Variants in ENOX2 observed in about 807,000 individuals in gnomAD.
ENOX2 encodes the protein ecto-NOX disulfide-thiol exchanger 2.
ENOX2 carries 36 observed loss-of-function variants against 45.0 expected under a neutral mutation model. That is an observed-to-expected ratio of 0.80 (90% CI 0.61 to 1.06). ENOX2 has a LOEUF of 1.06. ENOX2 is among the 50% of genes least tolerant of loss of function. The probability of loss-of-function intolerance (pLI) is 0.00; values close to 1 mark genes in which losing one functional copy is unlikely to be tolerated. For synonymous variants in ENOX2, 174 were observed against 152.3 expected (o/e 1.14, Z -1.05); for missense variants, 423 against 462.5 (o/e 0.91, Z 0.78).
intron 3 of ENOX2, among the ~76,000 whole-genome samples, chrX:130,735,142 T>C (rs2038829451): frequency 8.9e-6 from 1 of 112,418 alleles, no homozygotes; most frequent in Non-Finnish European, 1.9e-5. Context: ...GGTTTCCAAG[T>C]ACATTTTGTG....
Position 130,633,176 on chromosome X carries a change from G to T in ENOX2, c.1420-1600C>A, listed in dbSNP as rs1034383305. On this transcript the variant is annotated intron_variant, in intron 12 of 14. Transcript: ENST00000394363. ...TCTTTCCGCACTAAGACAGACATAA[G>T]TCACACTGTTATACTGCAAAACACT... is the stretch of plus-strand genomic sequence containing the variant. 4.9e-4 allele frequency among the ~76,000 whole-genome samples: 55 copies of T among 111,890 alleles called. 1 individual carries two copies. The highest frequency in any genetic ancestry group is 1.6e-3 in the African/African-American group (50 of 30,862).
At chrX:130,838,202 T>C (rs1414466187) in intron 2 of ENOX2, among the ~76,000 whole-genome samples, 1 of 110,936 alleles carries the variant, frequency 9.0e-6, no homozygotes, top group Non-Finnish European at 1.9e-5. Context: ...GCCAACATGG[T>C]AAAACCCCGT....
At chrX:130,866,488 C>T (rs1264171752) in intron 2 of ENOX2, among the ~76,000 whole-genome samples, 3 of 111,969 alleles carry the variant, frequency 2.7e-5, no homozygotes, top group South Asian at 7.4e-4. Flanking sequence ...TTGCTATTCA[C>T]CAGTGCAAAC....
intron 2 of ENOX2, among the ~76,000 whole-genome samples, chrX:130,882,986 A>C (rs1314558055): frequency 8.9e-6 from 1 of 112,541 alleles, no homozygotes; most frequent in Non-Finnish European, 1.9e-5. Flanking sequence ...CTGAAAATGG[A>C]AATACTACTG....
intron 3 of ENOX2, among the ~76,000 whole-genome samples, chrX:130,722,986 T>C (rs1465828882): frequency 8.9e-6 from 1 of 112,078 alleles, no homozygotes; most frequent in East Asian, 2.8e-4. Flanking sequence ...GCAACTTCAA[T>C]CCCTATGAGC....
intron 10 of ENOX2, among the ~76,000 whole-genome samples, chrX:130,652,923 C>G (rs989187820): frequency 8.9e-6 from 1 of 112,241 alleles, no homozygotes; most frequent in East Asian, 2.8e-4. Flanking sequence ...CTACTGAAAT[C>G]TTGATCTCAG....
intron 5 of ENOX2, among the ~76,000 whole-genome samples, chrX:130,683,352 C>T (rs1022590757): frequency 8.2e-4 from 92 of 112,142 alleles, no homozygotes; most frequent in African/African-American, 2.9e-3. Flanking sequence ...GGACAATCAG[C>T]AGGGGTTAAA....
intron 2 of ENOX2, among the ~76,000 whole-genome samples, chrX:130,783,994 C>T (rs981789457): frequency 1.8e-5 from 2 of 111,780 alleles, no homozygotes; most frequent in African/African-American, 6.5e-5. Flanking sequence ...TATGGTTGGA[C>T]CCACTGTTCC....
At chrX:130,687,496 T>C (rs1432559514) in intron 5 of ENOX2, among the ~76,000 whole-genome samples, 1 of 112,568 alleles carries the variant, frequency 8.9e-6, no homozygotes, top group East Asian at 2.8e-4. Flanking sequence ...TGCCCACTTG[T>C]AGGGACAGTG....
intron 2 of ENOX2, among the ~76,000 whole-genome samples, chrX:130,888,754 G>C (rs143316564): frequency 5.4e-5 from 6 of 111,871 alleles, no homozygotes; most frequent in African/African-American, 1.9e-4. Context: ...AGACGGAATC[G>C]CTGTTTGCTC....
chrX:130,703,242 C>G lies in ENOX2; in HGVS notation c.-26G>C. On this transcript the variant is annotated 5_prime_UTR_variant, in exon 4 of 15. Transcript: ENST00000394363. ...TGCAGTGGAATCCACGTTCAGAGTT[C>G]TACTGTTATCGGCTGAAAAGAAATG... 1 of 1,192,868 alleles carries G rather than the reference C, an allele frequency of 8.4e-7. No homozygotes were observed. Among genetic ancestry groups the G allele is most frequent in the Non-Finnish European group, 1.1e-6 (1 of 887,079 alleles).
intron 2 of ENOX2, among the ~76,000 whole-genome samples, chrX:130,900,848 A>G (rs185034658): frequency 1.1e-3 from 125 of 112,241 alleles, no homozygotes; most frequent in African/African-American, 3.9e-3. Flanking sequence ...CCAGCTCCCC[A>G]GCTAGACCCC....
At position 130,842,750 on chromosome X, in the gene ENOX2, C is replaced by T. The variant is rs756854798; in HGVS notation, c.-183+58934G>A. ...CCCTAACTCTTGGGTTTATCTTTCTCAGTTTTTTTTCATGAACTTCTCCTT... is the reference window on the plus strand; with the variant it reads ...CCCTAACTCTTGGGTTTATCTTTCTTAGTTTTTTTTCATGAACTTCTCCTT... On this transcript the variant is annotated intron_variant, in intron 2 of 14. Transcript: ENST00000394363. Among the ~76,000 whole-genome samples the T allele has an allele frequency of 2.2e-4, 24 of 111,524 alleles. 1 individual carries two copies. The highest frequency in any genetic ancestry group is 4.5e-4 in the Non-Finnish European group (24 of 53,136).
rs188602758 is a variant in ENOX2, at chrX:130,842,602, T to C, written c.-182-58912A>G. On this transcript the variant is annotated intron_variant, in intron 2 of 14. Transcript: ENST00000394363. ...ACCCTTTCAAAGGTCACTGAGACTC[T>C]TTGTTGCTAAAGCCAATGATCACTT... 5.4e-5 allele frequency among the ~76,000 whole-genome samples: 6 copies of C among 111,906 alleles called. No individual in the cohort carries two copies. In the East Asian group the frequency reaches 1.4e-3, roughly 26 times the overall value.
At chrX:130,838,249 G>A (rs2077960061) in intron 2 of ENOX2, among the ~76,000 whole-genome samples, 1 of 111,572 alleles carries the variant, frequency 9.0e-6, no homozygotes, top group African/African-American at 3.3e-5. Flanking sequence ...GGGCATAGTG[G>A]TGCATGCCTG....
At chrX:130,679,133 G>A (rs1367329661) in intron 6 of ENOX2, among the ~76,000 whole-genome samples, 1 of 111,572 alleles carries the variant, frequency 9.0e-6, no homozygotes, top group Non-Finnish European at 1.9e-5. Context: ...TTCCAGAGGA[G>A]GGTGTGCTTG....
chrX:130,889,388 T>C (rs780918137), intron 2 of ENOX2, among the ~76,000 whole-genome samples: 3 of 112,258 alleles, frequency 2.7e-5, no homozygotes, highest in Non-Finnish European at 5.6e-5. Context: ...TCCTACTTCT[T>C]GTAAGAAGAA....
At chrX:130,880,531 T>A (rs1489778542) in intron 2 of ENOX2, among the ~76,000 whole-genome samples, 1 of 112,114 alleles carries the variant, frequency 8.9e-6, no homozygotes. Context: ...CTATTTTAAA[T>A]AACAAAATAG....
At chrX:130,692,003 G>A in intron 4 of ENOX2, among the ~76,000 whole-genome samples, 1 of 113,311 alleles carries the variant, frequency 8.8e-6, no homozygotes, top group Non-Finnish European at 1.9e-5. Flanking sequence ...TATGGCTAAA[G>A]CCAGAGTAGA....
Sources: allele counts gnomAD v4.1 joint callset (sites outside exome capture counted in the v4.1 genomes callset), GRCh38; gene constraint gnomAD v4.1.1; transcripts MANE v1.5; gene names NCBI Gene and HGNC (gene_info 2026-07-23, HGNC 2026-07-21).